DNER: variants seen among roughly 807,000 people sequenced by gnomAD.
DNER encodes delta/notch like EGF repeat containing.
DNER carries 33 observed loss-of-function variants against 78.2 expected under a neutral mutation model. The ratio of observed to expected loss-of-function variants is 0.42; its 90% confidence interval spans 0.32 to 0.56. DNER has a LOEUF of 0.56. Ranked by LOEUF, DNER falls within the 20% of genes least tolerant of loss-of-function variation. DNER has a pLI of 0.11. For missense variants in DNER, 918 were observed against 975.3 expected (o/e 0.94, Z 0.78); for synonymous variants, 417 against 384.8 (o/e 1.08, Z -0.98).
At chr2:229,548,075 C>T (rs906299358) in intron 4 of DNER, among the ~76,000 whole-genome samples, 2 of 152,102 alleles carry the variant, frequency 1.3e-5, no homozygotes, top group Non-Finnish European at 2.9e-5. Flanking sequence ...TAAAAAGCCT[C>T]ATCATTACAA....
chr2:229,652,420 G>T lies in DNER; in HGVS notation c.277-60532C>A, dbSNP rs149871067. Among the ~76,000 whole-genome samples, 22 of 152,330 alleles carry T rather than the reference G, an allele frequency of 1.4e-4. No homozygotes were observed. The East Asian group carries it at 3.1e-3, about 21-fold the overall frequency. ...GTAAGATAGGGTAAGCACACTAGGT[G>T]CATCTATCAGAGCATCATAGAAAGG... On this transcript the variant is annotated intron_variant, in intron 1 of 12. Coordinates refer to ENST00000341772, the MANE Select transcript of DNER (RefSeq NM_139072.4).
intron 7 of DNER, among the ~76,000 whole-genome samples, chr2:229,467,683 T>C (rs998132932): frequency 1.3e-5 from 2 of 152,214 alleles, no homozygotes; most frequent in African/African-American, 4.8e-5. Flanking sequence ...ATGAAAATTA[T>C]ATTTACTACT....
intron 1 of DNER, among the ~76,000 whole-genome samples, chr2:229,713,189 C>A (rs73097236): frequency 0.15 from 22,665 of 152,206 alleles, 1,844 homozygotes; most frequent in African/African-American, 0.21. Context: ...TTTGCCCTAC[C>A]CTGCAATACA....
At chr2:229,541,396 C>G (rs550750972) in intron 5 of DNER, among the ~76,000 whole-genome samples, 1 of 152,238 alleles carries the variant, frequency 6.6e-6, no homozygotes, top group East Asian at 1.9e-4. Context: ...GATATTTGGT[C>G]AAACATCATT....
intron 8 of DNER, among the ~76,000 whole-genome samples, chr2:229,422,246 C>T (rs1693783199): frequency 2.0e-5 from 3 of 152,146 alleles, no homozygotes; most frequent in Admixed American, 6.6e-5. Flanking sequence ...GCTATCACCC[C>T]CTGCTGATAA....
intron 6 of DNER, among the ~76,000 whole-genome samples, chr2:229,496,202 C>T (rs547479225): frequency 6.6e-6 from 1 of 152,256 alleles, no homozygotes; most frequent in South Asian, 2.1e-4. Flanking sequence ...ATGACAATCC[C>T]TTTCTTTTTG....
rs933271438 is a variant in DNER at position 229,358,346 on chromosome 2, T to C, written c.*194A>G. The C allele has an allele frequency of 3.0e-5, 13 of 429,158 alleles. No homozygotes were observed. Among genetic ancestry groups the C allele is most frequent in the African/African-American group, 2.4e-4 (12 of 49,668 alleles). The allele number at this position is 429,158 out of a possible 1,614,324, so 26.6% of individuals were successfully genotyped here. On this transcript the variant is annotated 3_prime_UTR_variant, in exon 13 of 13. Coordinates refer to ENST00000341772, the MANE Select transcript of DNER (RefSeq NM_139072.4). ...AGAGAGCTGAAGGTACATTAAAACATCGTCTATAGGTTTCACAAATTTTGT... is the reference window on the plus strand; with the variant it reads ...AGAGAGCTGAAGGTACATTAAAACACCGTCTATAGGTTTCACAAATTTTGT...
At chr2:229,699,509 G>A (rs989658847) in intron 1 of DNER, among the ~76,000 whole-genome samples, 3 of 152,062 alleles carry the variant, frequency 2.0e-5, no homozygotes, top group African/African-American at 4.8e-5. Context: ...GGGACTATAC[G>A]CATGCACTGC....
intron 8 of DNER, among the ~76,000 whole-genome samples, chr2:229,429,051 C>T (rs1693947732): frequency 6.6e-6 from 1 of 152,130 alleles, no homozygotes; most frequent in South Asian, 2.1e-4. Flanking sequence ...TTGTGGGCCC[C>T]TGCAGAGTGA....
At chr2:229,576,388 G>A (rs990393696) in intron 4 of DNER, among the ~76,000 whole-genome samples, 2 of 151,068 alleles carry the variant, frequency 1.3e-5, no homozygotes. Flanking sequence ...TAATAAAAAG[G>A]GGGAATGAGG....
intron 1 of DNER, among the ~76,000 whole-genome samples, chr2:229,685,855 T>A (rs1184423010): frequency 3.3e-5 from 5 of 151,994 alleles, no homozygotes; most frequent in Admixed American, 2.0e-4. Flanking sequence ...CTACAAGAAC[T>A]GAGAAGGGCT....
chr2:229,592,380 G>A lies in DNER; in HGVS notation c.277-492C>T, dbSNP rs758460567. ...ACCTGTATCTCTCAATTTCCTAACC[G>A]GTCAACAATACTTTTTAAGGTGATA... On this transcript the variant is annotated intron_variant, in intron 1 of 12. Transcript: ENST00000341772. Among the ~76,000 whole-genome samples, 58 of 152,136 alleles carry A rather than the reference G, an allele frequency of 3.8e-4. 1 individual carries two copies. Among genetic ancestry groups the A allele is most frequent in the Admixed American group, 7.8e-4 (12 of 15,294 alleles).
rs932114932 is a variant in DNER at position 229,564,521 on chromosome 2, AC to A, written c.848-17430del. On this transcript the variant is annotated intron_variant, in intron 4 of 12. Coordinates refer to ENST00000341772, the MANE Select transcript of DNER (RefSeq NM_139072.4). The stretch of plus-strand genomic sequence containing the variant: ...CATCACCATCATCATCATCCTCCTT[AC>A]CCCATCACCATCATCATCATCATCC... Among the ~76,000 whole-genome samples the A allele has an allele frequency of 6.0e-5, 8 of 133,808 alleles. No individual in the cohort carries two copies. In the Admixed American group the frequency reaches 6.0e-4, roughly 10 times the overall value. The allele number at this position is 133,808 out of a possible 152,430, so 87.8% of individuals were successfully genotyped here.
At position 229,512,953 on chromosome 2, in the gene DNER, G is replaced by T. The variant is rs564134662; in HGVS notation, c.994-17C>A. 8 of 1,611,768 alleles carry T rather than the reference G, an allele frequency of 5.0e-6. No homozygotes were observed. Among genetic ancestry groups the T allele is most frequent in the Non-Finnish European group, 6.8e-6 (8 of 1,179,278 alleles). ...AAAAGTTGCCTAAAACACAAAAAAA[G>T]CACAGTGTCTATTACCTGGCACCTC... On this transcript the variant is annotated splice_polypyrimidine_tract_variant and intron_variant, in intron 5 of 12. Coordinates refer to ENST00000341772, the MANE Select transcript of DNER (RefSeq NM_139072.4).
At chr2:229,538,819 G>A (rs10174223) in intron 5 of DNER, among the ~76,000 whole-genome samples, 3,725 of 152,210 alleles carry the variant, frequency 0.024, 164 homozygotes, top group African/African-American at 0.084. Flanking sequence ...GATTACAGGC[G>A]TGAGCCCCCG....
At chr2:229,377,284 T>C (rs1692625618) in intron 11 of DNER, among the ~76,000 whole-genome samples, 1 of 152,210 alleles carries the variant, frequency 6.6e-6, no homozygotes, top group Non-Finnish European at 1.5e-5. Context: ...TATTTAACCA[T>C]AGATTCAACT....
chr2:229,555,652 G>A lies in DNER; in HGVS notation c.848-8560C>T, dbSNP rs1696842096. ...AAGTCTTAGAGAAGTGGTGAGTAGGGAGTCAAGATACAGGTACATTAATAG... is the reference window on the plus strand; with the variant it reads ...AAGTCTTAGAGAAGTGGTGAGTAGGAAGTCAAGATACAGGTACATTAATAG... On this transcript the variant is annotated intron_variant, in intron 4 of 12. Transcript: ENST00000341772. 3.9e-5 allele frequency among the ~76,000 whole-genome samples: 6 copies of A among 152,286 alleles called. No individual in the cohort carries two copies. The South Asian group carries it at 1.2e-3, about 32-fold the overall frequency.
intron 5 of DNER, among the ~76,000 whole-genome samples, chr2:229,531,503 T>A (rs1326794812): frequency 1.3e-5 from 2 of 151,684 alleles, no homozygotes; most frequent in Non-Finnish European, 2.9e-5. Flanking sequence ...TAAAAAAAAA[T>A]GGAAAATAAC....
At chr2:229,670,197 G>A (rs1699183771) in intron 1 of DNER, among the ~76,000 whole-genome samples, 1 of 152,224 alleles carries the variant, frequency 6.6e-6, no homozygotes, top group South Asian at 2.1e-4. Context: ...AGCATGATGT[G>A]GGGTTTGAAT....
Sources: gnomAD v4.1 joint callset for allele counts (sites outside exome capture counted in the v4.1 genomes callset) on GRCh38, gnomAD v4.1.1 for gene constraint, MANE v1.5 for transcripts, NCBI Gene and HGNC (gene_info 2026-07-23, HGNC 2026-07-21) for gene names.